Variants in VIM observed in about 807,000 individuals in gnomAD.
VIM encodes vimentin.
A neutral mutation model predicts 50.3 loss-of-function variants in VIM; 18 were observed. That is an observed-to-expected ratio of 0.36 (90% CI 0.25 to 0.53). The LOEUF is 0.53. Among genes scored for constraint, VIM ranks in the 20% least tolerant of loss-of-function variants. The pLI is 0.91. For missense variants in VIM, 551 were observed against 614.7 expected, an observed-to-expected ratio of 0.90 and a Z score of 1.10; for synonymous variants, 245 against 248.5, an observed-to-expected ratio of 0.99 and a Z score of 0.13.
At chr10:17,234,463 C>G (rs1041722905) in intron 5 of VIM, among the ~76,000 whole-genome samples, 1 of 152,150 alleles carries the variant, frequency 6.6e-6, no homozygotes, top group Admixed American at 6.5e-5. Flanking sequence ...AACCTTGCCT[C>G]CAAGTAAACC....
At chr10:17,230,142 T>G (rs1588732300) in intron 2 of VIM, 157 bp downstream of exon 2, 1 of 948,868 alleles carries the variant, frequency 1.1e-6, no homozygotes, top group Non-Finnish European at 1.5e-6. Flanking sequence ...GTGGCTGTGG[T>G]GGCGCAGCCC....
chr10:17,235,303 T>G lies in VIM; in HGVS notation c.1143T>G (p.Arg381=). ...AGGAGGAAATGGCTCGTCACCTTCG[T>G]GAATACCAAGACCTGCTCAATGTTA... The part of the protein sequence containing the change: ...NMKEEMARHL[R]EYQDLLNVKM... Residue 381 remains arginine (R), a synonymous_variant, in exon 7 of 10, where the codon CGT becomes CGG. Coordinates refer to ENST00000544301, the MANE Select transcript of VIM (RefSeq NM_003380.5). 6.2e-7 allele frequency: 1 copy of G among 1,614,226 alleles called. No homozygotes were observed. Among genetic ancestry groups the G allele is most frequent in the Non-Finnish European group, 8.5e-7 (1 of 1,180,032 alleles).
chr10:17,233,690 G>A lies in VIM; in HGVS notation c.720+8G>A. 1 of 1,614,180 alleles carries A rather than the reference G, an allele frequency of 6.2e-7. No homozygotes were observed. Among genetic ancestry groups the A allele is most frequent in the South Asian group, 1.1e-5 (1 of 91,074 alleles). ...AAGAAACTCCACGAAGAGGTTAGTG[G>A]AGTGACTTTCGGGGAATGAATGAGG... On this transcript the variant is annotated splice_region_variant and intron_variant, in intron 4 of 9. Transcript: ENST00000544301.
chr10:17,228,748 G>T (rs977573472), intron 1 of VIM: 2 of 152,628 alleles, frequency 1.3e-5, no homozygotes, highest in African/African-American at 4.8e-5. Flanking sequence ...AGGCTGCGGC[G>T]AGGCCTGAGC....
rs773230033 is a variant in VIM, at chr10:17,233,595, C to T, written c.633C>T (p.Asp211=). The change falls in exon 4 of 10, where the codon GAC becomes GAT. Residue 211 remains aspartate, a synonymous_variant. Transcript: ENST00000544301. ...TTCTCTGTTCAAAATAGGATGTTGA[C>T]AATGCGTCTCTGGCACGTCTTGACC... ...NTLQSFRQDV[D]NASLARLDLE... The T allele has an allele frequency of 6.2e-7, 1 of 1,614,148 alleles. No homozygotes were observed. Among genetic ancestry groups the T allele is most frequent in the Non-Finnish European group, 8.5e-7 (1 of 1,180,010 alleles).
At chr10:17,230,153 C>G (rs994288854) in intron 2 of VIM, 168 bp downstream of exon 2, 3 of 825,748 alleles carry the variant, frequency 3.6e-6, no homozygotes, top group Non-Finnish European at 5.5e-6. Flanking sequence ...GGCGCAGCCC[C>G]GCCCAGAACC....
chr10:17,236,076 T>C, intron 8 of VIM, 187 bp downstream of exon 8: 1 of 728,622 alleles, frequency 1.4e-6, no homozygotes, highest in Non-Finnish European at 2.3e-6. Context: ...TGCAAACTCC[T>C]TTTTCCTTCT....
intron 7 of VIM, 193 bp from the exon 8 acceptor site, chr10:17,235,653 A>G: frequency 1.4e-6 from 1 of 710,374 alleles, no homozygotes; most frequent in Non-Finnish European, 2.4e-6. Context: ...CTGTGGAGAA[A>G]ATGCTTGTAG....
Position 17,235,174 on chromosome 10 carries a change from G to A in VIM, c.1014G>A (p.Glu338=). The A allele has an allele frequency of 6.2e-7, 1 of 1,614,218 alleles. No individual in the cohort carries two copies. The highest frequency in any genetic ancestry group is 8.5e-7 in the Non-Finnish European group (1 of 1,180,034). The part of the protein sequence containing the change: ...CEVDALKGTN[E]SLERQMREME... ...ATCTTTCTCACCCCCTGCAGAATGA[G>A]TCCCTGGAACGCCAGATGCGTGAAA... The change falls in exon 7 of 10, where the codon GAG becomes GAA. Residue 338 remains glutamate, a synonymous_variant. Coordinates refer to ENST00000544301, the MANE Select transcript of VIM (RefSeq NM_003380.5).
intron 3 of VIM, among the ~76,000 whole-genome samples, chr10:17,231,842 C>T (rs1006262803): frequency 3.3e-5 from 5 of 151,128 alleles, no homozygotes; most frequent in Admixed American, 2.0e-4. Context: ...AATCCAAAAG[C>T]CAGAAGATCC....
At chr10:17,234,337 A>T (rs1209048292) in intron 5 of VIM, among the ~76,000 whole-genome samples, 7 of 151,660 alleles carry the variant, frequency 4.6e-5, no homozygotes, top group African/African-American at 1.7e-4. Context: ...CTTCTCTCAA[A>T]CTCCTGACCT....
chr10:17,230,685 A>G lies in VIM; in HGVS notation c.599A>G (p.Glu200Gly), dbSNP rs145760831. The change falls in exon 3 of 10, where the codon GAA becomes GGA. Residue 200 changes from glutamate (E) to glycine (G), a missense_variant. By Grantham distance (98) the Glu-to-Gly change is moderately conservative. Transcript: ENST00000544301. ...QEEMLQREEA[E>G]NTLQSFRQDV... is the part of the protein sequence containing the mutation. Reference sequence around the variant, plus strand: ...GAGATGCTTCAGAGAGAGGAAGCCGAAAACACCCTGCAATCTTTCAGACAG... The same window carrying G: ...GAGATGCTTCAGAGAGAGGAAGCCGGAAACACCCTGCAATCTTTCAGACAG... 3.7e-5 allele frequency: 59 copies of G among 1,614,074 alleles called. No homozygotes were observed. The highest frequency in any genetic ancestry group is 4.8e-5 in the Non-Finnish European group (57 of 1,180,028).
intron 8 of VIM, 102 bp downstream of exon 8, chr10:17,235,991 A>G (rs1044470101): frequency 2.3e-5 from 29 of 1,285,890 alleles, no homozygotes; most frequent in South Asian, 2.1e-4. Flanking sequence ...AAAATGCCAT[A>G]TAAGAGAAAA....
chr10:17,231,924 G>A (rs955516070), intron 3 of VIM, among the ~76,000 whole-genome samples: 1 of 152,114 alleles, frequency 6.6e-6, no homozygotes, highest in South Asian at 2.1e-4. Context: ...CAGATGAATA[G>A]TGTAGTATAA....
In VIM at chr10:17,236,278, CTGTT is replaced by C. The variant is rs762812120; in HGVS notation, c.1274-10_1274-7del. The C allele has an allele frequency of 1.0e-5, 16 of 1,596,800 alleles. No individual in the cohort carries two copies. The highest frequency in any genetic ancestry group is 1.3e-5 in the Non-Finnish European group (15 of 1,164,618). ...AAACTCGTTTTTACTCATTTTTGGC[CTGTT>C]TGTTTATTTAGAAACTAATCTGGAT... is the stretch of plus-strand genomic sequence containing the variant. On this transcript the variant is annotated splice_polypyrimidine_tract_variant and intron_variant, in intron 8 of 9. Coordinates refer to ENST00000544301, the MANE Select transcript of VIM (RefSeq NM_003380.5).
In VIM at chr10:17,233,199, C is replaced by T. The variant is rs1259948152; in HGVS notation, c.625-388C>T. ...CTGACCTCAAGTGATCCACCCGTCT[C>T]AGCCTCCCAAAGTGCTGGGATTACA... On this transcript the variant is annotated intron_variant, in intron 3 of 9. Transcript: ENST00000544301. 3.7e-5 allele frequency: 11 copies of T among 296,376 alleles called. No individual in the cohort carries two copies. In the Admixed American group the frequency reaches 4.9e-4, roughly 13 times the overall value. 18.4% of individuals were successfully genotyped at this position (296,376 alleles called of 1,614,324 possible). A position where few individuals can be genotyped will look rare whatever the true frequency, so the allele number is the denominator to read the frequency against.
At chr10:17,235,678 T>C in intron 7 of VIM, 168 bp from the exon 8 acceptor site, 1 of 747,588 alleles carries the variant, frequency 1.3e-6, no homozygotes. Context: ...ATATTTTAAA[T>C]GTACTAACAA....
intron 2 of VIM, chr10:17,230,353 G>T: frequency 1.8e-6 from 1 of 570,890 alleles, no homozygotes; most frequent in Non-Finnish European, 3.1e-6. Context: ...CACCGGGCGG[G>T]AGAAGGAAGG....
intron 7 of VIM, 89 bp from the exon 8 acceptor site, chr10:17,235,757 C>G: frequency 1.6e-6 from 2 of 1,271,284 alleles, no homozygotes; most frequent in Non-Finnish European, 2.3e-6. Flanking sequence ...CGTTTTCTTA[C>G]GTGACGAAAA....
Sources: allele counts gnomAD v4.1 joint callset (sites outside exome capture counted in the v4.1 genomes callset), GRCh38; gene constraint gnomAD v4.1.1; transcripts MANE v1.5; gene names NCBI Gene and HGNC (gene_info 2026-07-23, HGNC 2026-07-21).